Variants in ANKH observed in about 807,000 individuals in gnomAD.
ANKH encodes mineralization regulator ANKH.
In ANKH, 15 loss-of-function variants were observed where a neutral mutation model predicts 49.0. That is an observed-to-expected ratio of 0.31 (90% confidence interval 0.20 to 0.47). The LOEUF is 0.47. Ranked by LOEUF, ANKH falls within the 20% of genes least tolerant of loss-of-function variation. The pLI is 1.00. For synonymous variants in ANKH, 273 were observed against 260.0 expected, an observed-to-expected ratio of 1.05 and a Z score of -0.48; for missense variants, 429 against 652.0, an observed-to-expected ratio of 0.66 and a Z score of 3.72.
chr5:14,797,072 G>T, intron 1 of ANKH: 1 of 1,328,772 alleles, frequency 7.5e-7, no homozygotes, highest in Non-Finnish European at 1.0e-6. Flanking sequence ...ATCACTCTCG[G>T]GGTTGAGAAG....
rs778526991 is a variant in ANKH at position 14,871,472 on chromosome 5, C to A, written c.-25G>T. ...TAGTCCCCGCCGTGGGCTGACCCCA[C>A]ACACATCTGCTGCCGCGAGGGGACT... On this transcript the variant is annotated 5_prime_UTR_variant, in exon 1 of 12. Transcript: ENST00000284268. 6.3e-7 allele frequency: 1 copy of A among 1,593,390 alleles called. No homozygotes were observed. Among genetic ancestry groups the A allele is most frequent in the South Asian group, 1.1e-5 (1 of 90,530 alleles).
rs529285370 is a variant in ANKH at position 14,791,208 on chromosome 5, C to T, written c.97-22017G>A. ...CCCCTACCAGCTGTGTTATCTTAGG[C>T]CCCTTCGGGTGCCTGGAGAGGGATG... On this transcript the variant is annotated intron_variant, in intron 1 of 11. Coordinates refer to ENST00000284268, the MANE Select transcript of ANKH (RefSeq NM_054027.6). Among the ~76,000 whole-genome samples the T allele has an allele frequency of 3.3e-5, 5 of 152,270 alleles. No homozygotes were observed. The South Asian group carries it at 1.0e-3, about 32-fold the overall frequency.
chr5:14,775,751 G>T (rs1047023399), intron 1 of ANKH, among the ~76,000 whole-genome samples: 2 of 152,144 alleles, frequency 1.3e-5, no homozygotes, highest in Non-Finnish European at 2.9e-5. Context: ...AGGTGGGTTT[G>T]GACAAGCAGG....
At chr5:14,779,069 T>G (rs905607776) in intron 1 of ANKH, among the ~76,000 whole-genome samples, 1 of 152,164 alleles carries the variant, frequency 6.6e-6, no homozygotes. Context: ...GAAACTAAAT[T>G]TCTTATTGCT....
At chr5:14,730,022 G>A (rs535037309) in intron 8 of ANKH, among the ~76,000 whole-genome samples, 2 of 152,280 alleles carry the variant, frequency 1.3e-5, no homozygotes, top group East Asian at 1.9e-4. Flanking sequence ...ACTTCCCTCC[G>A]GCAGGCAGTG....
At chr5:14,771,934 A>AGC (rs1554004771) in intron 1 of ANKH, among the ~76,000 whole-genome samples, 1 of 108,662 alleles carries the variant, frequency 9.2e-6, no homozygotes. Context: ...AAAAAAAAAA[A>AGC]AAAAAAAAAA....
chr5:14,714,218 C>T (rs1284173573), intron 9 of ANKH, among the ~76,000 whole-genome samples: 1 of 152,226 alleles, frequency 6.6e-6, no homozygotes, highest in Non-Finnish European at 1.5e-5. Flanking sequence ...CCCTTTCTCC[C>T]TCCTAATGGT....
At chr5:14,848,634 G>A (rs1742037422) in intron 1 of ANKH, among the ~76,000 whole-genome samples, 1 of 152,174 alleles carries the variant, frequency 6.6e-6, no homozygotes, top group African/African-American at 2.4e-5. Flanking sequence ...TGCCGCTCCC[G>A]ATCGGGCTGG....
At chr5:14,819,197 A>G (rs1741128219) in intron 1 of ANKH, among the ~76,000 whole-genome samples, 1 of 152,236 alleles carries the variant, frequency 6.6e-6, no homozygotes, top group African/African-American at 2.4e-5. Flanking sequence ...TTGTCTTCAG[A>G]AAAAATGAAA....
At chr5:14,843,556 A>AAAC (rs967254598) in intron 1 of ANKH, among the ~76,000 whole-genome samples, 2 of 150,970 alleles carry the variant, frequency 1.3e-5, no homozygotes, top group South Asian at 2.1e-4. Context: ...AGCGAAAAAA[A>AAAC]AAAAAAAAAA....
chr5:14,849,428 A>G (rs766870279), intron 1 of ANKH, among the ~76,000 whole-genome samples: 2 of 152,202 alleles, frequency 1.3e-5, no homozygotes, highest in Non-Finnish European at 2.9e-5. Flanking sequence ...CATTATTTGC[A>G]GAGAAAATTA....
chr5:14,839,635 C>T (rs541331649), intron 1 of ANKH, among the ~76,000 whole-genome samples: 14 of 152,230 alleles, frequency 9.2e-5, no homozygotes, highest in African/African-American at 3.4e-4. Flanking sequence ...TACCTTCAGA[C>T]TGAAATCAAG....
At position 14,713,341 on chromosome 5, in the gene ANKH, C is replaced by G. The variant is rs1033304991; in HGVS notation, c.1265+203G>C. Reference sequence around the variant, plus strand: ...GGAGCTCAGTGGCTATTATTCGTGTCTGGGCCTGATTTCAAAAGCACTTTT... The same window carrying G: ...GGAGCTCAGTGGCTATTATTCGTGTGTGGGCCTGATTTCAAAAGCACTTTT... On this transcript the variant is annotated intron_variant, in intron 10 of 11. Coordinates refer to ENST00000284268, the MANE Select transcript of ANKH (RefSeq NM_054027.6). The surrounding 1 kb of genome is among the most constrained non-coding windows in gnomAD (Gnocchi z 4.4). Among the ~76,000 whole-genome samples, 1 of 152,254 alleles carries G rather than the reference C, an allele frequency of 6.6e-6. No individual in the cohort carries two copies. The highest frequency in any genetic ancestry group is 2.4e-5 in the African/African-American group (1 of 41,460).
intron 1 of ANKH, among the ~76,000 whole-genome samples, chr5:14,804,856 A>C (rs78357571): frequency 0.011 from 1,731 of 152,326 alleles, 34 homozygotes; most frequent in African/African-American, 0.04. Flanking sequence ...TTGGGATATT[A>C]GAGTAATCAC....
chr5:14,731,911 C>T (rs895995161), intron 8 of ANKH, among the ~76,000 whole-genome samples: 7 of 152,174 alleles, frequency 4.6e-5, no homozygotes, highest in Non-Finnish European at 1.0e-4. Context: ...TGGGGAGAGA[C>T]GAGACACACG....
rs1736953693 is a variant in ANKH at position 14,706,601 on chromosome 5, C to A, written c.*4596G>T. The A allele has an allele frequency of 6.6e-6, 1 of 152,122 alleles. No homozygotes were observed. The highest frequency in any genetic ancestry group is 1.5e-5 in the Non-Finnish European group (1 of 68,030). 9.4% of individuals were successfully genotyped at this position (152,122 alleles called of 1,614,324 possible). Reference sequence around the variant, plus strand: ...GAGTGGAGTTTGGGTTATTTTGATTCCACAATGCAATTTCTCTCATTTTGA... The same window carrying A: ...GAGTGGAGTTTGGGTTATTTTGATTACACAATGCAATTTCTCTCATTTTGA... On this transcript the variant is annotated 3_prime_UTR_variant, in exon 12 of 12. Transcript: ENST00000284268.
chr5:14,797,422 G>A lies in ANKH; in HGVS notation c.97-28231C>T, dbSNP rs549305771. 3.9e-4 allele frequency: 636 copies of A among 1,611,024 alleles called. 2 individuals carry two copies. Among genetic ancestry groups the A allele is most frequent in the Non-Finnish European group, 3.5e-4 (411 of 1,178,920 alleles). On this transcript the variant is annotated intron_variant, in intron 1 of 11. Coordinates refer to ENST00000284268, the MANE Select transcript of ANKH (RefSeq NM_054027.6). ...GAAGCTAAAATAGTCTCATTGTGAGGTGACCACTGAACCTGGAATATTTCA... is the reference window on the plus strand; with the variant it reads ...GAAGCTAAAATAGTCTCATTGTGAGATGACCACTGAACCTGGAATATTTCA...
intron 1 of ANKH, among the ~76,000 whole-genome samples, chr5:14,769,596 T>A (rs1252774889): frequency 1.3e-5 from 2 of 150,420 alleles, no homozygotes; most frequent in Non-Finnish European, 3.0e-5. Context: ...ATCAAGGGGA[T>A]GGGTTCTTTT....
Position 14,784,096 on chromosome 5 carries a change from T to G in ANKH, c.97-14905A>C, listed in dbSNP as rs75761291. Among the ~76,000 whole-genome samples, 38 of 152,358 alleles carry G rather than the reference T, an allele frequency of 2.5e-4. 1 individual carries two copies. The highest frequency in any genetic ancestry group is 8.4e-4 in the African/African-American group (35 of 41,584). Reference sequence around the variant, plus strand: ...AGTACATGAATTCATCCAAGAAACATTTACAGAACCCATGAAGAATAACAA... The same window carrying G: ...AGTACATGAATTCATCCAAGAAACAGTTACAGAACCCATGAAGAATAACAA... On this transcript the variant is annotated intron_variant, in intron 1 of 11. Transcript: ENST00000284268.
Sources: gnomAD v4.1 joint callset for allele counts (sites outside exome capture counted in the v4.1 genomes callset) on GRCh38, gnomAD v4.1.1 for gene constraint, Gnocchi (gnomAD v3.1) non-coding constraint, MANE v1.5 for transcripts, NCBI Gene and HGNC (gene_info 2026-07-23, HGNC 2026-07-21) for gene names.